SHB: variants seen among roughly 807,000 people sequenced by gnomAD.
SHB encodes the protein SH2 domain containing adaptor protein B, also known as SH2 domain-containing adapter protein B.
A neutral mutation model predicts 52.3 loss-of-function variants in SHB; 20 were observed. The ratio of observed to expected loss-of-function variants is 0.38; its 90% confidence interval spans 0.27 to 0.56. The LOEUF is 0.56. Ranked by LOEUF, SHB falls within the 20% of genes least tolerant of loss-of-function variation. The probability of loss-of-function intolerance (pLI) is 0.71; values close to 1 mark genes in which losing one functional copy is unlikely to be tolerated. For missense variants in SHB, 825 were observed against 723.3 expected (o/e 1.14, Z -1.61); for synonymous variants, 397 against 316.5 (o/e 1.25, Z -2.70).
In SHB at chr9:38,040,399, G is replaced by C. The variant is rs575006505; in HGVS notation, c.718-24268C>G. 2.5e-4 allele frequency among the ~76,000 whole-genome samples: 38 copies of C among 152,318 alleles called. 1 individual carries two copies. Among genetic ancestry groups the C allele is most frequent in the East Asian group, 1.4e-3 (7 of 5,176 alleles). On this transcript the variant is annotated intron_variant, in intron 1 of 5. Coordinates refer to ENST00000377707, the MANE Select transcript of SHB (RefSeq NM_003028.3). The stretch of plus-strand genomic sequence containing the variant: ...TGAATGCCGGCCGTTATCCCTAAAG[G>C]GGGGGCTTGGGAAGGGAGGCCTCCC...
intron 2 of SHB, among the ~76,000 whole-genome samples, chr9:38,001,812 G>A (rs1821017482): frequency 6.6e-6 from 1 of 152,202 alleles, no homozygotes; most frequent in Non-Finnish European, 1.5e-5. Context: ...TTGAGCGCTT[G>A]GCAGTTCACC....
At chr9:37,924,182 C>G (rs1284982017) in intron 5 of SHB, among the ~76,000 whole-genome samples, 1 of 152,234 alleles carries the variant, frequency 6.6e-6, no homozygotes, top group Non-Finnish European at 1.5e-5. Context: ...GGAGCTGTCA[C>G]AGGCGTTCAG....
At chr9:38,017,842 G>A (rs951460190) in intron 1 of SHB, among the ~76,000 whole-genome samples, 10 of 152,206 alleles carry the variant, frequency 6.6e-5, no homozygotes, top group Admixed American at 6.5e-5. Flanking sequence ...GCTAGGCCTT[G>A]CAATGTCTTT....
chr9:37,996,950 C>T (rs920099613), intron 2 of SHB, among the ~76,000 whole-genome samples: 1 of 152,196 alleles, frequency 6.6e-6, no homozygotes, highest in African/African-American at 2.4e-5. Flanking sequence ...AGAGCAGAGG[C>T]TCTATGTGAT....
chr9:38,059,420 C>A (rs1210991103), intron 1 of SHB, among the ~76,000 whole-genome samples: 4 of 152,190 alleles, frequency 2.6e-5, no homozygotes, highest in Non-Finnish European at 5.9e-5. Flanking sequence ...AATGGGAAAT[C>A]CAGAGACAGC....
intron 1 of SHB, among the ~76,000 whole-genome samples, chr9:38,053,572 G>C (rs1406298824): frequency 6.6e-6 from 1 of 152,062 alleles, no homozygotes; most frequent in Admixed American, 6.5e-5. Flanking sequence ...CCTCCTATGG[G>C]GTGTTGTGGG....
intron 1 of SHB, among the ~76,000 whole-genome samples, chr9:38,027,553 G>A (rs536828839): frequency 3.3e-5 from 5 of 151,778 alleles, no homozygotes; most frequent in African/African-American, 4.8e-5. Flanking sequence ...GACACTTACC[G>A]GGGACAGGGA....
At chr9:38,007,108 G>C (rs1587240879) in intron 2 of SHB, among the ~76,000 whole-genome samples, 1 of 152,330 alleles carries the variant, frequency 6.6e-6, no homozygotes. Context: ...CGGGAGCATA[G>C]AACGGTGCCA....
At chr9:38,026,779 G>C (rs747842940) in intron 1 of SHB, among the ~76,000 whole-genome samples, 3 of 152,254 alleles carry the variant, frequency 2.0e-5, no homozygotes, top group Non-Finnish European at 4.4e-5. Flanking sequence ...TAATGTACAG[G>C]AAACTTAGGG....
At chr9:38,009,678 G>A (rs1192878095) in intron 2 of SHB, among the ~76,000 whole-genome samples, 1 of 152,220 alleles carries the variant, frequency 6.6e-6, no homozygotes, top group African/African-American at 2.4e-5. Context: ...CAGAGGATGA[G>A]AAAATACAAA....
chr9:37,992,927 C>T (rs997461265), intron 2 of SHB, among the ~76,000 whole-genome samples: 14 of 152,108 alleles, frequency 9.2e-5, no homozygotes, highest in Non-Finnish European at 1.6e-4. Flanking sequence ...CTCTAGGAGC[C>T]TGATACCCAA....
At chr9:37,940,318 T>C (rs1832420493) in intron 5 of SHB, among the ~76,000 whole-genome samples, 1 of 152,230 alleles carries the variant, frequency 6.6e-6, no homozygotes, top group South Asian at 2.1e-4. Context: ...CTAATATTCC[T>C]CACAGTGTCC....
At chr9:37,960,823 G>A (rs2117928892) in intron 3 of SHB, among the ~76,000 whole-genome samples, 1 of 152,304 alleles carries the variant, frequency 6.6e-6, no homozygotes, top group South Asian at 2.1e-4. Context: ...TAATGGGTGA[G>A]GAACGGCGGT....
chr9:37,923,700 G>C (rs1314270845), intron 5 of SHB, among the ~76,000 whole-genome samples: 3 of 152,198 alleles, frequency 2.0e-5, no homozygotes, highest in Non-Finnish European at 2.9e-5. Flanking sequence ...CACTTCTGTG[G>C]AGAACAGAGG....
intron 1 of SHB, 110 bp downstream of exon 1, chr9:38,067,819 T>C: frequency 8.3e-7 from 1 of 1,209,588 alleles, no homozygotes; most frequent in Non-Finnish European, 1.1e-6. Flanking sequence ...CGACCCAGGG[T>C]CCTAGGCCGA....
intron 1 of SHB, among the ~76,000 whole-genome samples, chr9:38,030,447 A>G (rs1821399603): frequency 6.6e-6 from 1 of 152,206 alleles, no homozygotes; most frequent in Non-Finnish European, 1.5e-5. Flanking sequence ...AGGGCTGCAG[A>G]GAGCAGAGGA....
chr9:37,925,246 G>C (rs531475268), intron 5 of SHB, among the ~76,000 whole-genome samples: 1 of 152,314 alleles, frequency 6.6e-6, no homozygotes, highest in South Asian at 2.1e-4. Flanking sequence ...GTGGCTGGTC[G>C]ACCTTGTCCC....
At chr9:38,019,824 A>C (rs557674173) in intron 1 of SHB, among the ~76,000 whole-genome samples, 3 of 152,352 alleles carry the variant, frequency 2.0e-5, no homozygotes, top group African/African-American at 7.2e-5. Flanking sequence ...TACTGCATCC[A>C]TCAATAGAGG....
Position 38,026,340 on chromosome 9 carries a change from G to A in SHB, c.718-10209C>T, listed in dbSNP as rs7041896. Among the ~76,000 whole-genome samples the A allele has an allele frequency of 6.0e-3, 917 of 152,374 alleles. 12 individuals are homozygous for A. The highest frequency in any genetic ancestry group is 0.021 in the African/African-American group (877 of 41,582). ...AAAGAGCTCAGGCCTGGAGGAGCAC[G>A]AGATCGGGCCAGCACAGTGCCTTTT... On this transcript the variant is annotated intron_variant, in intron 1 of 5. Coordinates refer to ENST00000377707, the MANE Select transcript of SHB (RefSeq NM_003028.3).
Sources: gnomAD v4.1 joint callset for allele counts (sites outside exome capture counted in the v4.1 genomes callset) on GRCh38, gnomAD v4.1.1 for gene constraint, MANE v1.5 for transcripts, NCBI Gene and HGNC (gene_info 2026-07-23, HGNC 2026-07-21) for gene names.